DHX32: variants seen among roughly 807,000 people sequenced by gnomAD.
DHX32 encodes DEAH-box helicase 32 (putative).
Under a neutral mutation model 70.0 loss-of-function variants are expected in DHX32, and 51 were observed. The ratio of observed to expected loss-of-function variants is 0.73; its 90% CI spans 0.58 to 0.92. The LOEUF (loss-of-function observed/expected upper bound fraction) is 0.92, where lower values mean the gene tolerates loss of function less well. Among genes scored for constraint, DHX32 ranks in the 40% least tolerant of loss-of-function variants. DHX32 has a pLI of 0.00. For synonymous variants in DHX32, 310 were observed against 315.3 expected, an observed-to-expected ratio of 0.98 and a Z score of 0.18; for missense variants, 762 against 891.8, an observed-to-expected ratio of 0.85 and a Z score of 1.85.
chr10:125,892,653 C>T (rs1944378190), intron 1 of DHX32, among the ~76,000 whole-genome samples: 1 of 152,172 alleles, frequency 6.6e-6, no homozygotes, highest in African/African-American at 2.4e-5. Context: ...CATGCAATTC[C>T]AGAGCCCAGG....
intron 3 of DHX32, among the ~76,000 whole-genome samples, chr10:125,857,112 T>C (rs1014808049): frequency 1.3e-5 from 2 of 152,262 alleles, no homozygotes; most frequent in Non-Finnish European, 2.9e-5. Flanking sequence ...GATCAATAGC[T>C]GTTAGCACTG....
At position 125,849,010 on chromosome 10, in the gene DHX32, T is replaced by G. The variant is rs57277467; in HGVS notation, c.1351+3283A>C. 1.6e-3 allele frequency among the ~76,000 whole-genome samples: 245 copies of G among 152,286 alleles called. 1 individual carries two copies. Among genetic ancestry groups the G allele is most frequent in the African/African-American group, 5.5e-3 (227 of 41,550 alleles). On this transcript the variant is annotated intron_variant, in intron 6 of 10. Transcript: ENST00000284690. ...CAAGAGCCTGTGCCTTTTGGCATAG[T>G]CCCCTCAATATGGGGACCATCTACC...
At chr10:125,849,479 C>T (rs1434528199) in intron 6 of DHX32, among the ~76,000 whole-genome samples, 3 of 152,216 alleles carry the variant, frequency 2.0e-5, no homozygotes, top group Non-Finnish European at 4.4e-5. Flanking sequence ...CTCTTTTTCA[C>T]ACCCCCTCAT....
intron 1 of DHX32, among the ~76,000 whole-genome samples, chr10:125,872,762 T>C (rs577260608): frequency 6.6e-6 from 1 of 152,244 alleles, no homozygotes; most frequent in East Asian, 1.9e-4. Context: ...TGGAACTGAC[T>C]CTGGGGCATG....
chr10:125,883,195 C>T (rs1944327805), upstream of DHX32, among the ~76,000 whole-genome samples: 1 of 152,142 alleles, frequency 6.6e-6, no homozygotes, highest in South Asian at 2.1e-4. Flanking sequence ...ACTTACCTGG[C>T]CCCTTCATCA....
chr10:125,888,090 G>A (rs61870711), intron 1 of DHX32, among the ~76,000 whole-genome samples: 277 of 130,526 alleles, frequency 2.1e-3, no homozygotes, highest in African/African-American at 5.9e-3. Flanking sequence ...TGTAAACCCT[G>A]TACTATATAA....
chr10:125,839,265 A>G, intron 8 of DHX32, 77 bp from the exon 9 acceptor site: 1 of 1,466,334 alleles, frequency 6.8e-7, no homozygotes. Flanking sequence ...GGCAGTTGCC[A>G]TCTTTAAGCC....
chr10:125,839,087 C>T lies in DHX32; in HGVS notation c.1795G>A (p.Glu599Lys), dbSNP rs763675474. The stretch of plus-strand genomic sequence containing the variant: ...AAAGCAGGTTCTGCATAGGGAAGCT[C>T]GATTCGCTTGATAATTTCTAAGAGT... ...AELLEIIKRI[E>K]LPYAEPAFGS... Residue 599 changes from glutamate to lysine, a missense_variant, in exon 9 of 11, where the codon GAG (glutamate) becomes AAG (lysine). Glu to Lys is a moderately conservative substitution (Grantham distance 56, BLOSUM62 1). This residue lies in a region of DHX32 where 366 missense variants were observed against 402.6 expected (regional missense o/e 0.91). Transcript: ENST00000284690. The T allele has an allele frequency of 4.3e-6, 7 of 1,614,040 alleles. No individual in the cohort carries two copies. The highest frequency in any genetic ancestry group is 5.1e-6 in the Non-Finnish European group (6 of 1,180,038).
intron 1 of DHX32, among the ~76,000 whole-genome samples, chr10:125,868,355 A>G (rs1038193354): frequency 1.3e-5 from 2 of 152,184 alleles, no homozygotes; most frequent in African/African-American, 4.8e-5. Context: ...TGATCTAAGG[A>G]ATTTAAACGT....
intron 8 of DHX32, among the ~76,000 whole-genome samples, chr10:125,840,146 T>C (rs151075767): frequency 3.3e-5 from 5 of 152,348 alleles, no homozygotes; most frequent in African/African-American, 9.6e-5. Context: ...CTGGCTGCCC[T>C]TTATGGGTGG....
chr10:125,845,729 C>A (rs1401558010), intron 6 of DHX32, among the ~76,000 whole-genome samples: 1 of 152,266 alleles, frequency 6.6e-6, no homozygotes, highest in African/African-American at 2.4e-5. Flanking sequence ...TCCCTGCCCA[C>A]TGGCGGGAGC....
chr10:125,853,225 T>C (rs748760481), intron 4 of DHX32: 1 of 1,610,272 alleles, frequency 6.2e-7, no homozygotes, highest in South Asian at 1.1e-5. Flanking sequence ...TCATGACTGT[T>C]GGAATTGCTC....
intron 1 of DHX32, among the ~76,000 whole-genome samples, chr10:125,874,476 T>C (rs1944272829): frequency 6.6e-6 from 1 of 152,302 alleles, no homozygotes; most frequent in South Asian, 2.1e-4. Context: ...ATATAACATA[T>C]AACATATAAC....
At chr10:125,878,715 CT>C (rs550143492) in intron 1 of DHX32, among the ~76,000 whole-genome samples, 112 of 142,730 alleles carry the variant, frequency 7.8e-4, no homozygotes, top group Admixed American at 2.7e-3. Context: ...GTTTTGTTTT[CT>C]TTTTTTTTTT....
At chr10:125,843,538 G>C (rs1016185502) in intron 6 of DHX32, among the ~76,000 whole-genome samples, 4 of 152,110 alleles carry the variant, frequency 2.6e-5, no homozygotes, top group Non-Finnish European at 4.4e-5. Flanking sequence ...CGTGAACCCA[G>C]GAAGTGGAGC....
intron 7 of DHX32, chr10:125,841,507 AT>A: frequency 6.9e-7 from 1 of 1,440,962 alleles, no homozygotes; most frequent in Non-Finnish European, 9.1e-7. Context: ...GTTTTCATAC[AT>A]CTGATGTATA....
intron 1 of DHX32, among the ~76,000 whole-genome samples, chr10:125,886,325 T>C (rs551124440): frequency 8.8e-4 from 134 of 152,340 alleles, no homozygotes; most frequent in Non-Finnish European, 1.7e-3. Context: ...CCTCTTTAAC[T>C]GCTTCATTTT....
intron 1 of DHX32, among the ~76,000 whole-genome samples, chr10:125,879,684 T>G (rs1944306050): frequency 6.6e-6 from 1 of 152,060 alleles, no homozygotes; most frequent in Non-Finnish European, 1.5e-5. Context: ...GGTCTCTCAC[T>G]CACATCGCCC....
At chr10:125,878,578 T>G (rs183619870) in intron 1 of DHX32, among the ~76,000 whole-genome samples, 1 of 152,368 alleles carries the variant, frequency 6.6e-6, no homozygotes, top group Non-Finnish European at 1.5e-5. Context: ...AATACACTTC[T>G]GTTTTTCTTC....
Sources: allele counts gnomAD v4.1 joint callset (sites outside exome capture counted in the v4.1 genomes callset), GRCh38; gene constraint gnomAD v4.1.1; regional missense constraint gnomAD v4.1.1; transcripts MANE v1.5; gene names NCBI Gene and HGNC (gene_info 2026-07-23, HGNC 2026-07-21).